The following SEMA3D variants were observed in gnomAD, a reference collection of about 807,000 sequenced individuals.
SEMA3D encodes semaphorin 3D, also known as semaphorin-3D.
A neutral mutation model predicts 100.1 loss-of-function variants in SEMA3D; 84 were observed. The observed-to-expected ratio is 0.84, with a 90% CI of 0.70 to 1.01. The LOEUF is 1.01. Among genes scored for constraint, SEMA3D ranks in the 50% least tolerant of loss-of-function variants. SEMA3D has a pLI of 0.00. For missense variants in SEMA3D, 875 were observed against 934.1 expected (o/e 0.94, Z 0.82); for synonymous variants, 312 against 320.7 (o/e 0.97, Z 0.29).
intron 1 of SEMA3D, among the ~76,000 whole-genome samples, chr7:85,164,202 T>C (rs1345136559): frequency 3.9e-5 from 6 of 152,130 alleles, no homozygotes; most frequent in African/African-American, 1.4e-4. Flanking sequence ...CGTTGCTACA[T>C]GGGAGCCTTC....
chr7:85,025,485 TG>T (rs1790367528), intron 12 of SEMA3D, among the ~76,000 whole-genome samples: 1 of 151,924 alleles, frequency 6.6e-6, no homozygotes, highest in Non-Finnish European at 1.5e-5. Context: ...AGTAGTGGAA[TG>T]GGAAGCAATG....
chr7:85,018,144 T>C, intron 15 of SEMA3D, 108 bp downstream of exon 15: 1 of 737,732 alleles, frequency 1.4e-6, no homozygotes, highest in Non-Finnish European at 2.4e-6. Context: ...ATGTTTTAAA[T>C]TTCTTAAAAT....
intron 9 of SEMA3D, among the ~76,000 whole-genome samples, chr7:85,049,488 T>G (rs778630628): frequency 3.2e-4 from 48 of 151,330 alleles, no homozygotes; most frequent in Non-Finnish European, 5.3e-4. Context: ...CCTTTTCAGG[T>G]AGAATCAGAG....
At chr7:85,089,777 A>G (rs140569074) in intron 4 of SEMA3D, among the ~76,000 whole-genome samples, 9 of 152,206 alleles carry the variant, frequency 5.9e-5, no homozygotes, top group African/African-American at 2.2e-4. Flanking sequence ...TGTAGTCCCA[A>G]CTACTCAGGA....
At position 85,073,080 on chromosome 7, in the gene SEMA3D, G is replaced by C; in HGVS notation, c.377C>G (p.Thr126Arg). ...TACTCTGATGAAATTTGCACATTCT[G>C]TCTGTTGGGCACAAAAATTAAAAGC... ...LCKLAGKDAN[T>R]ECANFIRVLQ... The change falls in exon 6 of 19, where the codon ACA (threonine) becomes AGA (arginine). Residue 126 changes from threonine (T) to arginine (R), a missense_variant and splice_region_variant. Physicochemically the swap from Thr to Arg is moderately conservative, Grantham distance 71. Coordinates refer to ENST00000284136, the MANE Select transcript of SEMA3D (RefSeq NM_001384900.1). 6.2e-7 allele frequency: 1 copy of C among 1,611,688 alleles called. No individual in the cohort carries two copies. Among genetic ancestry groups the C allele is most frequent in the South Asian group, 1.1e-5 (1 of 90,472 alleles).
In SEMA3D at chr7:85,037,014, C is replaced by T. The variant is rs1790717269; in HGVS notation, c.1066G>A (p.Ala356Thr). 1.9e-6 allele frequency: 3 copies of T among 1,611,984 alleles called. No individual in the cohort carries two copies. Among genetic ancestry groups the T allele is most frequent in the Admixed American group, 1.7e-5 (1 of 59,734 alleles). The change falls in exon 12 of 19, where the codon GCT becomes ACT. Residue 356 changes from alanine to threonine, a missense_variant. Coordinates refer to ENST00000284136, the MANE Select transcript of SEMA3D (RefSeq NM_001384900.1). ...TCAGCCATGCTATACACACAAACAG[C>T]AGAGCCTTTGAAGATGGAGCTGGAA... is the stretch of plus-strand genomic sequence containing the variant. ...TTTSSIFKGSAVCVYSMADIR... is the reference protein window; with the variant it reads ...TTTSSIFKGSTVCVYSMADIR...
At chr7:85,095,393 G>T (rs1788518221) in intron 4 of SEMA3D, among the ~76,000 whole-genome samples, 1 of 140,318 alleles carries the variant, frequency 7.1e-6, no homozygotes, top group East Asian at 2.3e-4. Context: ...ATTTTCTACA[G>T]ATTTTTTTTT....
intron 12 of SEMA3D, among the ~76,000 whole-genome samples, chr7:85,023,631 T>C (rs1485232538): frequency 6.6e-6 from 1 of 151,906 alleles, no homozygotes; most frequent in Non-Finnish European, 1.5e-5. Flanking sequence ...ACAGTCTCCA[T>C]GGAACTGAAC....
the SEMA3D span, among the ~76,000 whole-genome samples, chr7:85,208,166 A>G: frequency 6.6e-6 from 1 of 152,150 alleles, no homozygotes; most frequent in Non-Finnish European, 1.5e-5. Flanking sequence ...TCAAGTAACT[A>G]CCCTAAGTGT....
chr7:85,075,574 T>A (rs1791899581), intron 5 of SEMA3D, among the ~76,000 whole-genome samples: 1 of 152,100 alleles, frequency 6.6e-6, no homozygotes, highest in Non-Finnish European at 1.5e-5. Context: ...TTTATGAAAT[T>A]CCTCCCTTCT....
At chr7:85,181,342 A>ACC (rs1562847442) in intron 1 of SEMA3D, among the ~76,000 whole-genome samples, 1 of 135,098 alleles carries the variant, frequency 7.4e-6, no homozygotes, top group East Asian at 2.6e-4. Context: ...ACACACACAC[A>ACC]CACACACACA....
chr7:85,015,036 T>C (rs756911215), intron 16 of SEMA3D, 23 bp downstream of exon 16: 2 of 1,596,018 alleles, frequency 1.3e-6, no homozygotes, highest in South Asian at 2.2e-5. Flanking sequence ...GAAGCCTTTA[T>C]ATTAACTCCA....
At chr7:85,076,461 A>G (rs1001245268) in intron 5 of SEMA3D, among the ~76,000 whole-genome samples, 1 of 152,212 alleles carries the variant, frequency 6.6e-6, no homozygotes, top group Non-Finnish European at 1.5e-5. Context: ...TAACACTTAG[A>G]ATTTTAGTTT....
chr7:85,246,112 T>A, the SEMA3D span, among the ~76,000 whole-genome samples: 1 of 152,136 alleles, frequency 6.6e-6, no homozygotes, highest in Non-Finnish European at 1.5e-5. Flanking sequence ...ATTTATTCAT[T>A]ATGCAAATAT....
the SEMA3D span, among the ~76,000 whole-genome samples, chr7:85,247,261 A>G: frequency 6.6e-6 from 1 of 152,112 alleles, no homozygotes; most frequent in African/African-American, 2.4e-5. Context: ...AAGTAAATCC[A>G]CACACAGAAA....
intron 2 of SEMA3D, among the ~76,000 whole-genome samples, chr7:85,123,300 C>T (rs1294271605): frequency 6.6e-6 from 1 of 151,924 alleles, no homozygotes. Flanking sequence ...AGGAAATAGG[C>T]CACAGGACCA....
intron 2 of SEMA3D, among the ~76,000 whole-genome samples, chr7:85,147,205 T>C (rs957669241): frequency 6.7e-6 from 1 of 149,000 alleles, no homozygotes; most frequent in Non-Finnish European, 1.5e-5. Context: ...CGGGTTCAAG[T>C]GTTGCTCTTG....
intron 12 of SEMA3D, chr7:85,029,237 T>C (rs932507169): frequency 4.0e-6 from 3 of 751,844 alleles, no homozygotes; most frequent in Non-Finnish European, 7.3e-6. Context: ...TTGATATTAA[T>C]GCCAAGGGCA....
intron 3 of SEMA3D, among the ~76,000 whole-genome samples, chr7:85,117,978 A>G (rs1789294531): frequency 6.6e-6 from 1 of 151,872 alleles, no homozygotes; most frequent in Non-Finnish European, 1.5e-5. Flanking sequence ...TAGTCACACA[A>G]AGAGCATAAG....
Sources: gnomAD v4.1 joint callset for allele counts (sites outside exome capture counted in the v4.1 genomes callset) on GRCh38, gnomAD v4.1.1 for gene constraint, MANE v1.5 for transcripts, NCBI Gene and HGNC (gene_info 2026-07-23, HGNC 2026-07-21) for gene names.